IFRD1: variants seen among roughly 807,000 people sequenced by gnomAD.
IFRD1 encodes the protein interferon related developmental regulator 1, also known as interferon-related developmental regulator 1.
Under a neutral mutation model 52.9 loss-of-function variants are expected in IFRD1, and 35 were observed. That is an observed-to-expected ratio of 0.66 (90% CI 0.51 to 0.88). The LOEUF (loss-of-function observed/expected upper bound fraction) is 0.88, where lower values mean the gene tolerates loss of function less well. IFRD1 is among the 40% of genes least tolerant of loss of function. The pLI, the probability that IFRD1 is intolerant of heterozygous loss-of-function variation, is 0.00. For missense variants in IFRD1, 517 were observed against 550.8 expected, an observed-to-expected ratio of 0.94 and a Z score of 0.61; for synonymous variants, 184 against 188.4, an observed-to-expected ratio of 0.98 and a Z score of 0.19.
chr7:112,451,775 A>C (rs1258487644), intron 1 of IFRD1, among the ~76,000 whole-genome samples: 1 of 152,228 alleles, frequency 6.6e-6, no homozygotes, highest in Non-Finnish European at 1.5e-5. Context: ...TAGAAATTTA[A>C]ACAGGAGTTA....
intron 11 of IFRD1, among the ~76,000 whole-genome samples, chr7:112,473,469 G>T (rs1057416000): frequency 6.6e-6 from 1 of 150,628 alleles, no homozygotes; most frequent in African/African-American, 2.4e-5. Context: ...CTGTCACTCA[G>T]ACTGGAGTGC....
intron 1 of IFRD1, among the ~76,000 whole-genome samples, chr7:112,424,634 C>T (rs1225805694): frequency 6.6e-6 from 1 of 151,870 alleles, no homozygotes; most frequent in African/African-American, 2.4e-5. Flanking sequence ...AGGCTGGTCT[C>T]GAACTCCTGA....
At chr7:112,441,411 G>T (rs1794886379) in intron 1 of IFRD1, among the ~76,000 whole-genome samples, 1 of 151,488 alleles carries the variant, frequency 6.6e-6, no homozygotes, top group South Asian at 2.1e-4. Context: ...CTACACTCCA[G>T]TCTGGGTGAG....
chr7:112,463,843 C>T (rs28649735), intron 8 of IFRD1, among the ~76,000 whole-genome samples: 118,741 of 147,370 alleles, frequency 0.81, 48,634 homozygotes, highest in Middle Eastern at 0.92. Flanking sequence ...CATATATATA[C>T]ACATTTATAT....
At chr7:112,445,291 C>T (rs62474579) in intron 1 of IFRD1, among the ~76,000 whole-genome samples, 41,935 of 151,688 alleles carry the variant, frequency 0.28, 6,620 homozygotes, top group East Asian at 0.44. Flanking sequence ...TGGTCTCGAT[C>T]TCCTGACCTT....
At chr7:112,433,965 G>A (rs1316266976) in intron 1 of IFRD1, among the ~76,000 whole-genome samples, 2 of 151,772 alleles carry the variant, frequency 1.3e-5, no homozygotes, top group African/African-American at 4.9e-5. Flanking sequence ...GACCACAGGC[G>A]TGAGCCACCA....
At chr7:112,434,419 T>C (rs1794621546) in intron 1 of IFRD1, among the ~76,000 whole-genome samples, 1 of 152,220 alleles carries the variant, frequency 6.6e-6, no homozygotes, top group South Asian at 2.1e-4. Context: ...GATTTTTCTG[T>C]GGGCTAGCAA....
At position 112,461,936 on chromosome 7, in the gene IFRD1, T is replaced by A. The variant is rs1306991892; in HGVS notation, c.618+20T>A. On this transcript the variant is annotated intron_variant, in intron 6 of 11. Transcript: ENST00000403825. Reference sequence around the variant, plus strand: ...ATTACTGTAAGTAAAAAACCTTTGATTCTAGTTATCTGCAGTTATTTCTAA... The same window carrying A: ...ATTACTGTAAGTAAAAAACCTTTGAATCTAGTTATCTGCAGTTATTTCTAA... 1 of 1,608,132 alleles carries A rather than the reference T, an allele frequency of 6.2e-7. No individual in the cohort carries two copies. The highest frequency in any genetic ancestry group is 1.7e-5 in the Admixed American group (1 of 59,908).
intron 1 of IFRD1, among the ~76,000 whole-genome samples, chr7:112,455,050 G>GAC (rs1795254580): frequency 6.6e-6 from 1 of 151,720 alleles, no homozygotes; most frequent in Admixed American, 6.6e-5. Flanking sequence ...TATTAGTAGA[G>GAC]ACGGGGTTTC....
At chr7:112,468,602 T>G (rs1009629523) in intron 9 of IFRD1, among the ~76,000 whole-genome samples, 4 of 152,148 alleles carry the variant, frequency 2.6e-5, no homozygotes, top group Non-Finnish European at 5.9e-5. Flanking sequence ...CGGGTTCAAG[T>G]AATTCTTTGC....
upstream of IFRD1, among the ~76,000 whole-genome samples, chr7:112,447,647 C>T (rs765250565): frequency 2.6e-5 from 4 of 152,198 alleles, no homozygotes; most frequent in Middle Eastern, 3.2e-3. Flanking sequence ...TGTTCCCTTT[C>T]GTGCTTCCCC....
chr7:112,455,357 C>T (rs1427557679), intron 1 of IFRD1, among the ~76,000 whole-genome samples: 3 of 152,094 alleles, frequency 2.0e-5, no homozygotes, highest in East Asian at 1.9e-4. Context: ...TGGTGGTGTG[C>T]GCCTGTAATC....
intron 1 of IFRD1, among the ~76,000 whole-genome samples, chr7:112,441,618 T>C (rs1407384954): frequency 6.6e-6 from 1 of 152,232 alleles, no homozygotes; most frequent in Non-Finnish European, 1.5e-5. Context: ...ACTGTCTTTC[T>C]TGTTTTTTCA....
intron 1 of IFRD1, among the ~76,000 whole-genome samples, chr7:112,438,588 A>G (rs577096041): frequency 1.3e-5 from 2 of 152,316 alleles, no homozygotes; most frequent in South Asian, 4.2e-4. Flanking sequence ...AATTTATCAT[A>G]AGAAACAGAA....
At chr7:112,472,131 G>A (rs1335963272) in intron 9 of IFRD1, 88 bp from the exon 10 acceptor site, 2 of 1,300,286 alleles carry the variant, frequency 1.5e-6, no homozygotes, top group Middle Eastern at 1.8e-4. Context: ...ATCTCAGCAT[G>A]TATATGACTG....
Position 112,468,045 on chromosome 7 carries a change from A to G in IFRD1, c.971A>G (p.Asn324Ser), listed in dbSNP as rs777350451. 36 of 1,614,006 alleles carry G rather than the reference A, an allele frequency of 2.2e-5. No homozygotes were observed. The South Asian group carries it at 4.0e-4, about 18-fold the overall frequency. ...QMLRALATDG[N>S]KHRAKVDKRK... is the part of the protein sequence containing the mutation. Reference sequence around the variant, plus strand: ...CTTAGGGCCTTGGCAACAGATGGAAATAAACACCGGGCCAAAGTGGACAAG... The same window carrying G: ...CTTAGGGCCTTGGCAACAGATGGAAGTAAACACCGGGCCAAAGTGGACAAG... Residue 324 changes from asparagine (N) to serine (S), a missense_variant, in exon 9 of 12, where the codon AAT becomes AGT. Asn to Ser is a conservative substitution (Grantham distance 46). Transcript: ENST00000403825.
chr7:112,457,832 C>G (rs1178238725), intron 4 of IFRD1: 1 of 152,046 alleles, frequency 6.6e-6, no homozygotes. Flanking sequence ...ATTATAGCAC[C>G]AAAAATGTAG....
intron 9 of IFRD1, among the ~76,000 whole-genome samples, chr7:112,470,356 C>T (rs1344703068): frequency 1.3e-5 from 2 of 152,206 alleles, no homozygotes; most frequent in African/African-American, 2.4e-5. Flanking sequence ...TTAGGTCCGT[C>T]GATTAGGTCC....
intron 8 of IFRD1, among the ~76,000 whole-genome samples, chr7:112,466,172 G>A (rs758442782): frequency 2.6e-5 from 4 of 151,768 alleles, no homozygotes; most frequent in South Asian, 2.1e-4. Flanking sequence ...TATAATTATC[G>A]TAAAGTCCTA....
Sources: gnomAD v4.1 joint callset for allele counts (sites outside exome capture counted in the v4.1 genomes callset) on GRCh38, gnomAD v4.1.1 for gene constraint, MANE v1.5 for transcripts, NCBI Gene and HGNC (gene_info 2026-07-23, HGNC 2026-07-21) for gene names.